Variants in UPRT observed in about 807,000 individuals in gnomAD.
UPRT encodes uracil phosphoribosyltransferase homolog, also known as RP11-311P8.3.
A neutral mutation model predicts 22.6 loss-of-function variants in UPRT; 5 were observed. The ratio of observed to expected loss-of-function variants is 0.22; its 90% CI spans 0.12 to 0.47. The LOEUF (loss-of-function observed/expected upper bound fraction) is 0.47, where lower values mean the gene tolerates loss of function less well. UPRT is among the 20% of genes least tolerant of loss of function. UPRT has a pLI of 0.99. For missense variants in UPRT, 181 were observed against 239.9 expected, an observed-to-expected ratio of 0.75 and a Z score of 1.62; for synonymous variants, 77 against 87.7, an observed-to-expected ratio of 0.88 and a Z score of 0.68.
intron 4 of UPRT, among the ~76,000 whole-genome samples, chrX:75,299,304 T>C (rs1383273105): frequency 8.9e-6 from 1 of 112,555 alleles, no homozygotes; most frequent in African/African-American, 3.2e-5. Flanking sequence ...GGAGACTTTC[T>C]GATCTACATC....
At position 75,236,698 on chromosome X, in the gene UPRT, T is replaced by A. The variant is rs368342121; in HGVS notation, c.-446-54326T>A. Among the ~76,000 whole-genome samples the A allele has an allele frequency of 4.6e-3, 514 of 111,899 alleles. 4 individuals carry two copies. Among genetic ancestry groups the A allele is most frequent in the African/African-American group, 0.016 (479 of 30,850 alleles). ...AACCTGAGAAAAACAAGCAATGGGG[T>A]AAGGATTCCCTATTTAATAAATGGT... On this transcript the variant is annotated intron_variant, in intron 4 of 13. Transcript: ENST00000652605.
upstream of UPRT, chrX:75,156,371 G>A (rs1327011909): frequency 4.1e-6 from 4 of 972,957 alleles, no homozygotes; most frequent in East Asian, 1.0e-4. Flanking sequence ...GTTTTCCCAG[G>A]GCCCCAGACC....
intron 4 of UPRT, among the ~76,000 whole-genome samples, chrX:75,185,668 G>A (rs1299455297): frequency 1.8e-5 from 2 of 111,864 alleles, no homozygotes; most frequent in African/African-American, 6.5e-5. Context: ...TTTTTTGTTG[G>A]TAAGCTATTA....
intron 1 of UPRT, among the ~76,000 whole-genome samples, chrX:75,281,757 A>C (rs751556096): frequency 8.9e-6 from 1 of 111,808 alleles, no homozygotes; most frequent in East Asian, 2.8e-4. Flanking sequence ...TGGTTTTGCT[A>C]TCAGGGTGAT....
At chrX:75,267,947 C>T (rs1345774991) in intron 4 of UPRT, among the ~76,000 whole-genome samples, 11 of 110,650 alleles carry the variant, frequency 9.9e-5, no homozygotes, top group African/African-American at 3.6e-4. Flanking sequence ...ACAAAAAACC[C>T]TCAAAAAAAA....
rs758821608 is a variant in UPRT, at chrX:75,175,575, G to A, written c.-447+7696G>A. Among the ~76,000 whole-genome samples, 374 of 111,845 alleles carry A rather than the reference G, an allele frequency of 3.3e-3. 2 individuals are homozygous for A. Among genetic ancestry groups the A allele is most frequent in the African/African-American group, 0.012 (356 of 30,758 alleles). Reference sequence around the variant, plus strand: ...AGTGAGGGTGATGACATGAGCTGGCGCTTGCCCCGGGCACCCTCAGTCCTG... The same window carrying A: ...AGTGAGGGTGATGACATGAGCTGGCACTTGCCCCGGGCACCCTCAGTCCTG... On this transcript the variant is annotated intron_variant, in intron 4 of 13. Transcript: ENST00000652605.
chrX:75,185,595 G>A (rs1375353457), intron 4 of UPRT, among the ~76,000 whole-genome samples: 1 of 112,028 alleles, frequency 8.9e-6, no homozygotes, highest in Non-Finnish European at 1.9e-5. Context: ...CAGAAGGAAT[G>A]GTACCAGTTC....
chrX:75,237,012 A>G (rs2082468494), intron 4 of UPRT, among the ~76,000 whole-genome samples: 1 of 112,231 alleles, frequency 8.9e-6, no homozygotes, highest in Non-Finnish European at 1.9e-5. Flanking sequence ...TGAACAGGCA[A>G]CCTACAAAAT....
chrX:75,210,793 T>TAG (rs1404324437), intron 4 of UPRT, among the ~76,000 whole-genome samples: 2 of 110,071 alleles, frequency 1.8e-5, no homozygotes, highest in Non-Finnish European at 3.8e-5. Flanking sequence ...ACATGATTGG[T>TAG]AGAGAGAGAG....
chrX:75,187,428 C>A (rs932721552), intron 4 of UPRT, among the ~76,000 whole-genome samples: 1 of 111,214 alleles, frequency 9.0e-6, no homozygotes, highest in South Asian at 3.8e-4. Flanking sequence ...GAGGGTAACC[C>A]GACATTTCTC....
intron 4 of UPRT, among the ~76,000 whole-genome samples, chrX:75,241,089 T>TA (rs200717423): frequency 0.012 from 662 of 56,930 alleles, 4 homozygotes; most frequent in African/African-American, 0.032. Flanking sequence ...TTAATTAAAG[T>TA]AAAAAGCTTC....
At chrX:75,260,826 A>G (rs2082565304) in intron 4 of UPRT, among the ~76,000 whole-genome samples, 1 of 110,407 alleles carries the variant, frequency 9.1e-6, no homozygotes, top group South Asian at 3.9e-4. Flanking sequence ...CATCACATGT[A>G]TTCTAAAATT....
intron 4 of UPRT, among the ~76,000 whole-genome samples, chrX:75,235,946 A>G (rs2082461358): frequency 9.0e-6 from 1 of 111,375 alleles, no homozygotes; most frequent in South Asian, 3.9e-4. Context: ...AGTTCTGGCC[A>G]GGGCAATGAG....
At chrX:75,265,449 C>A (rs925224053) in intron 4 of UPRT, among the ~76,000 whole-genome samples, 2 of 112,027 alleles carry the variant, frequency 1.8e-5, no homozygotes, top group African/African-American at 3.2e-5. Flanking sequence ...ATCACTTATA[C>A]CCTTTCTTCA....
intron 4 of UPRT, among the ~76,000 whole-genome samples, chrX:75,263,994 G>T (rs1250073163): frequency 2.7e-5 from 3 of 110,922 alleles, no homozygotes; most frequent in Admixed American, 9.7e-5. Flanking sequence ...TCATTCAGGA[G>T]CAGGTTGTTC....
At chrX:75,189,699 G>T (rs2082308006) in intron 4 of UPRT, among the ~76,000 whole-genome samples, 1 of 112,160 alleles carries the variant, frequency 8.9e-6, no homozygotes, top group Non-Finnish European at 1.9e-5. Context: ...AGGATATTTA[G>T]CTCTTCTTGT....
At chrX:75,158,174 G>A (rs768409850) in intron 1 of UPRT, among the ~76,000 whole-genome samples, 21 of 111,831 alleles carry the variant, frequency 1.9e-4, no homozygotes, top group South Asian at 1.1e-3. Flanking sequence ...CAAATAAGCC[G>A]AAGAAAATTT....
At chrX:75,242,976 C>A (rs2082493205) in intron 4 of UPRT, among the ~76,000 whole-genome samples, 1 of 111,398 alleles carries the variant, frequency 9.0e-6, no homozygotes, top group Admixed American at 9.6e-5. Flanking sequence ...TTTTAGGGAT[C>A]ATCTCAAATT....
At chrX:75,265,285 G>A (rs1255238723) in intron 4 of UPRT, among the ~76,000 whole-genome samples, 1 of 111,406 alleles carries the variant, frequency 9.0e-6, no homozygotes, top group Non-Finnish European at 1.9e-5. Flanking sequence ...TTTCCAACTT[G>A]GTTCCATTCT....
Sources: allele counts gnomAD v4.1 joint callset (sites outside exome capture counted in the v4.1 genomes callset), GRCh38; gene constraint gnomAD v4.1.1; transcripts MANE v1.5; gene names NCBI Gene and HGNC (gene_info 2026-07-23, HGNC 2026-07-21).